Variants in GATAD2A observed in about 807,000 individuals in gnomAD.
GATAD2A encodes transcriptional repressor p66-alpha.
GATAD2A carries 12 observed loss-of-function variants against 68.5 expected under a neutral mutation model. The observed-to-expected ratio is 0.18, with a 90% confidence interval of 0.11 to 0.28. The LOEUF is 0.28. Among genes scored for constraint, GATAD2A ranks in the 10% least tolerant of loss-of-function variants. The pLI is 1.00. For synonymous variants in GATAD2A, 410 were observed against 375.3 expected (o/e 1.09, Z -1.07); for missense variants, 755 against 868.5 (o/e 0.87, Z 1.64).
rs571177541 is a variant in GATAD2A at position 19,507,987 on chromosome 19, T to C, written c.*2513T>C. 1 of 152,274 alleles carries C rather than the reference T, an allele frequency of 6.6e-6. No homozygotes were observed. Among genetic ancestry groups the C allele is most frequent in the South Asian group, 2.1e-4 (1 of 4,832 alleles). 9.4% of individuals were successfully genotyped at this position (152,274 alleles called of 1,614,324 possible). The stretch of plus-strand genomic sequence containing the variant: ...ACGCACCAGGATAGCTATTGATTAA[T>C]GTTAAGGGTGTTCTACCCACAGCAA... On this transcript the variant is annotated 3_prime_UTR_variant, in exon 12 of 12. Transcript: ENST00000683918.
chr19:19,410,656 C>T (rs1198595584), intron 1 of GATAD2A, among the ~76,000 whole-genome samples: 1 of 152,166 alleles, frequency 6.6e-6, no homozygotes, highest in Non-Finnish European at 1.5e-5. Flanking sequence ...CACAGCAGCT[C>T]CTCCTGTGCC....
intron 4 of GATAD2A, among the ~76,000 whole-genome samples, chr19:19,493,754 A>G (rs1239956169): frequency 7.5e-5 from 1 of 13,254 alleles, no homozygotes; most frequent in East Asian, 2.1e-3. Flanking sequence ...CCCGCCCCCC[A>G]CCTTACACCT....
At chr19:19,437,826 A>G (rs2054544353) in intron 1 of GATAD2A, among the ~76,000 whole-genome samples, 2 of 152,280 alleles carry the variant, frequency 1.3e-5, no homozygotes, top group African/African-American at 2.4e-5. Flanking sequence ...TCATTCATTG[A>G]TGGACATTTG....
At chr19:19,451,917 C>A (rs1311941190) in intron 1 of GATAD2A, among the ~76,000 whole-genome samples, 1 of 152,196 alleles carries the variant, frequency 6.6e-6, no homozygotes, top group East Asian at 1.9e-4. Context: ...GCGATCATTG[C>A]AGCCTTGAAC....
At chr19:19,391,031 G>T (rs2048811755) in intron 1 of GATAD2A, among the ~76,000 whole-genome samples, 1 of 152,046 alleles carries the variant, frequency 6.6e-6, no homozygotes, top group South Asian at 2.1e-4. Context: ...TGGGGCAGGG[G>T]TCGGGGGGCA....
At chr19:19,466,294 T>G (rs1568311610) in intron 2 of GATAD2A, among the ~76,000 whole-genome samples, 1 of 152,218 alleles carries the variant, frequency 6.6e-6, no homozygotes, top group Non-Finnish European at 1.5e-5. Flanking sequence ...AAAGACAAAT[T>G]CAGACCCAGC....
At chr19:19,495,972 C>G (rs903550369) in intron 6 of GATAD2A, 80 bp from the exon 7 acceptor site, 27 of 1,579,160 alleles carry the variant, frequency 1.7e-5, no homozygotes, top group Non-Finnish European at 2.3e-5. Flanking sequence ...TCCTTGGGGG[C>G]AAGGTGCCCT....
chr19:19,507,411 C>T lies in GATAD2A; in HGVS notation c.*1937C>T, dbSNP rs1462011695. 1 of 152,252 alleles carries T rather than the reference C, an allele frequency of 6.6e-6. No homozygotes were observed. Among genetic ancestry groups the T allele is most frequent in the Non-Finnish European group, 1.5e-5 (1 of 68,070 alleles). The allele number at this position is 152,252 out of a possible 1,614,324, so 9.4% of individuals were successfully genotyped here. On this transcript the variant is annotated 3_prime_UTR_variant, in exon 12 of 12. Coordinates refer to ENST00000683918, the MANE Select transcript of GATAD2A (RefSeq NM_001384528.1). ...TTCCAGCTCCTCCCAGAAGGAGCAC[C>T]CAGGCTGGCTTCTTCCCACTGAAAG...
chr19:19,411,349 G>A (rs887979003), intron 1 of GATAD2A, among the ~76,000 whole-genome samples: 1 of 152,224 alleles, frequency 6.6e-6, no homozygotes, highest in Admixed American at 6.5e-5. Flanking sequence ...TCCTGGCCCA[G>A]GGCTTGTGGA....
chr19:19,457,196 G>T (rs370635101), intron 1 of GATAD2A: 1 of 985,416 alleles, frequency 1.0e-6, no homozygotes, highest in Non-Finnish European at 1.2e-6. Context: ...CATGGACAAG[G>T]TGTTGTACCT....
intron 1 of GATAD2A, among the ~76,000 whole-genome samples, chr19:19,429,578 G>A (rs1339728470): frequency 6.6e-6 from 1 of 151,922 alleles, no homozygotes; most frequent in African/African-American, 2.4e-5. Flanking sequence ...GATGGTGGAA[G>A]TGGAAGACAG....
chr19:19,486,977 G>A (rs763880814), intron 2 of GATAD2A, among the ~76,000 whole-genome samples: 1 of 152,188 alleles, frequency 6.6e-6, no homozygotes, highest in Non-Finnish European at 1.5e-5. Context: ...GCCGGCAGTC[G>A]TTTGAAGTCC....
chr19:19,485,011 G>C (rs1185232979), intron 2 of GATAD2A, among the ~76,000 whole-genome samples: 2 of 152,162 alleles, frequency 1.3e-5, no homozygotes, highest in Admixed American at 1.3e-4. Flanking sequence ...CCCTTTCATT[G>C]TTGGGCAGCT....
chr19:19,502,395 C>G lies in GATAD2A; in HGVS notation c.1643C>G (p.Pro548Arg). ...TPRGVLHTFS[P>R]SPKLQNSASA... The stretch of plus-strand genomic sequence containing the variant: ...CGAGGTGTCCTGCACACGTTCAGTC[C>G]GTCACCCAAACTGCAGAACTCAGCC... The change falls in exon 11 of 12, where the codon CCG becomes CGG. Residue 548 changes from proline (P) to arginine (R), a missense_variant. Pro to Arg is a moderately radical substitution (Grantham distance 103). Coordinates refer to ENST00000683918, the MANE Select transcript of GATAD2A (RefSeq NM_001384528.1). 6.2e-7 allele frequency: 1 copy of G among 1,613,662 alleles called. No individual in the cohort carries two copies. Among genetic ancestry groups the G allele is most frequent in the Non-Finnish European group, 8.5e-7 (1 of 1,179,862 alleles).
At chr19:19,487,972 G>A (rs1459316069) in intron 2 of GATAD2A, among the ~76,000 whole-genome samples, 1 of 152,182 alleles carries the variant, frequency 6.6e-6, no homozygotes, top group Non-Finnish European at 1.5e-5. Flanking sequence ...GCATTGCTGG[G>A]CCCTGCCTGT....
At chr19:19,442,150 G>C (rs866222880) in intron 1 of GATAD2A, among the ~76,000 whole-genome samples, 1 of 152,200 alleles carries the variant, frequency 6.6e-6, no homozygotes, top group Non-Finnish European at 1.5e-5. Flanking sequence ...GTGAGCCACT[G>C]CACCTGGCCA....
At chr19:19,476,899 T>C (rs1303698625) in intron 2 of GATAD2A, among the ~76,000 whole-genome samples, 2 of 152,176 alleles carry the variant, frequency 1.3e-5, no homozygotes, top group South Asian at 2.1e-4. Flanking sequence ...TTCTCTCTCT[T>C]AAGATGAGCA....
At chr19:19,469,068 A>G (rs1171468086) in intron 2 of GATAD2A, among the ~76,000 whole-genome samples, 1 of 152,206 alleles carries the variant, frequency 6.6e-6, no homozygotes, top group East Asian at 1.9e-4. Context: ...TCTTATATAG[A>G]TTGTGATTAA....
intron 1 of GATAD2A, among the ~76,000 whole-genome samples, chr19:19,452,131 T>C (rs2056454969): frequency 1.3e-5 from 2 of 152,250 alleles, no homozygotes; most frequent in African/African-American, 4.8e-5. Context: ...TTAACTAGTG[T>C]ATACTTTGCA....
Sources: allele counts gnomAD v4.1 joint callset (sites outside exome capture counted in the v4.1 genomes callset), GRCh38; gene constraint gnomAD v4.1.1; transcripts MANE v1.5; gene names NCBI Gene and HGNC (gene_info 2026-07-23, HGNC 2026-07-21).